SMG6: variants seen among roughly 807,000 people sequenced by gnomAD.
SMG6 encodes the protein telomerase-binding protein EST1A.
A neutral mutation model predicts 142.2 loss-of-function variants in SMG6; 66 were observed. The ratio of observed to expected loss-of-function variants is 0.46; its 90% confidence interval spans 0.38 to 0.57. The LOEUF is 0.57. SMG6 is among the 20% of genes least tolerant of loss of function. SMG6 has a pLI of 0.00. For synonymous variants in SMG6, 779 were observed against 702.4 expected (o/e 1.11, Z -1.72); for missense variants, 1,793 against 1,832.0 (o/e 0.98, Z 0.39).
intron 13 of SMG6, among the ~76,000 whole-genome samples, chr17:2,128,439 T>C (rs997089439): frequency 2.0e-5 from 3 of 152,214 alleles, no homozygotes; most frequent in Admixed American, 6.5e-5. Flanking sequence ...AAAGTGGTAC[T>C]GGACAGGATG....
At chr17:2,113,375 C>T (rs1188195391) in intron 13 of SMG6, among the ~76,000 whole-genome samples, 1 of 152,188 alleles carries the variant, frequency 6.6e-6, no homozygotes, top group Non-Finnish European at 1.5e-5. Flanking sequence ...TATGCTGGGC[C>T]TAAGGCCCAA....
At chr17:2,223,948 A>G (rs541139865) in intron 10 of SMG6, among the ~76,000 whole-genome samples, 4 of 152,308 alleles carry the variant, frequency 2.6e-5, no homozygotes, top group Non-Finnish European at 5.9e-5. Flanking sequence ...AAAAGAAAGA[A>G]AGTCTGAGTA....
At chr17:2,152,628 C>A (rs747403591) in intron 13 of SMG6, among the ~76,000 whole-genome samples, 9 of 152,038 alleles carry the variant, frequency 5.9e-5, no homozygotes, top group Admixed American at 3.9e-4. Flanking sequence ...TAGAGAAATG[C>A]GAATTAAAAT....
chr17:2,120,156 G>A (rs1484572103), intron 13 of SMG6, among the ~76,000 whole-genome samples: 1 of 152,086 alleles, frequency 6.6e-6, no homozygotes, highest in African/African-American at 2.4e-5. Context: ...TCATCACTTG[G>A]GATTTTTAGC....
At chr17:2,179,406 C>A (rs2071740654) in intron 12 of SMG6, among the ~76,000 whole-genome samples, 1 of 152,140 alleles carries the variant, frequency 6.6e-6, no homozygotes, top group South Asian at 2.1e-4. Context: ...ATCTCATCTA[C>A]AGAGTCAACA....
At chr17:2,229,837 C>T (rs1407603963) in intron 10 of SMG6, among the ~76,000 whole-genome samples, 1 of 152,128 alleles carries the variant, frequency 6.6e-6, no homozygotes, top group East Asian at 1.9e-4. Flanking sequence ...GAGCCCCACA[C>T]CCACACCCAA....
intron 13 of SMG6, among the ~76,000 whole-genome samples, chr17:2,091,015 T>C (rs1303568822): frequency 6.6e-6 from 1 of 152,226 alleles, no homozygotes; most frequent in Non-Finnish European, 1.5e-5. Context: ...AATTATCATC[T>C]TTAATGAGCC....
intron 8 of SMG6, among the ~76,000 whole-genome samples, chr17:2,276,370 G>A (rs772169525): frequency 1.6e-4 from 24 of 152,214 alleles, no homozygotes; most frequent in Non-Finnish European, 2.8e-4. Context: ...ATCCACATCT[G>A]CTGTTACAAC....
chr17:2,217,822 A>G (rs1359928277), intron 10 of SMG6, among the ~76,000 whole-genome samples: 1 of 152,038 alleles, frequency 6.6e-6, no homozygotes, highest in African/African-American at 2.4e-5. Context: ...GATCCTGGCC[A>G]ACATGGTGAA....
intron 13 of SMG6, among the ~76,000 whole-genome samples, chr17:2,119,243 G>C (rs192176944): frequency 6.2e-4 from 95 of 152,136 alleles, no homozygotes; most frequent in Admixed American, 5.6e-3. Flanking sequence ...ATTTCTAGTA[G>C]AGATGGGGTT....
intron 12 of SMG6, among the ~76,000 whole-genome samples, chr17:2,180,672 G>C (rs2071778095): frequency 6.6e-6 from 1 of 152,120 alleles, no homozygotes; most frequent in Admixed American, 6.5e-5. Flanking sequence ...CTCAGAGAGG[G>C]GAAGATGCTG....
In SMG6 at chr17:2,085,214, G is replaced by A. The variant is rs2068525453; in HGVS notation, c.3534+511C>T. 6.6e-6 allele frequency among the ~76,000 whole-genome samples: 1 copy of A among 151,454 alleles called. No homozygotes were observed. The highest frequency in any genetic ancestry group is 1.5e-5 in the Non-Finnish European group (1 of 67,884). On this transcript the variant is annotated intron_variant, in intron 14 of 18. Transcript: ENST00000263073. The surrounding 1 kb of genome is among the most constrained non-coding windows in gnomAD (Gnocchi z 4.1). The stretch of plus-strand genomic sequence containing the variant: ...AGCAAGGGCTACAGGAACAACCAAG[G>A]GCAAACAAACAAGAGGAGAATTCCT...
At chr17:2,105,083 A>ATTTTTTTTTTTTTTTTTT in intron 13 of SMG6, among the ~76,000 whole-genome samples, 1 of 103,168 alleles carries the variant, frequency 9.7e-6, no homozygotes, top group Non-Finnish European at 1.8e-5. Context: ...CACCCAGCTA[A>ATTTTTTTTTTTTTTTTTT]TTTTTTTTTT....
chr17:2,282,277 C>T (rs1296881255), intron 8 of SMG6, among the ~76,000 whole-genome samples: 1 of 151,276 alleles, frequency 6.6e-6, no homozygotes, highest in Non-Finnish European at 1.5e-5. Flanking sequence ...CTAACCTATC[C>T]ATGCTACTTT....
intron 12 of SMG6, among the ~76,000 whole-genome samples, chr17:2,184,657 CA>C (rs150364302): frequency 0.023 from 1,228 of 52,814 alleles, 9 homozygotes; most frequent in East Asian, 0.055. Context: ...AACTCCGTCT[CA>C]AAAAAAAAAA....
chr17:2,302,334 G>A (rs914621685), intron 1 of SMG6, among the ~76,000 whole-genome samples: 5 of 152,158 alleles, frequency 3.3e-5, no homozygotes, highest in Non-Finnish European at 5.9e-5. Context: ...ACGAGGACAG[G>A]AGTCCAGACC....
chr17:2,209,641 G>A (rs1019565098), intron 10 of SMG6, among the ~76,000 whole-genome samples: 2 of 152,060 alleles, frequency 1.3e-5, no homozygotes, highest in Non-Finnish European at 2.9e-5. Flanking sequence ...TAGGATTACA[G>A]GCATGAGCCA....
chr17:2,248,329 G>C (rs1038012692), intron 8 of SMG6, among the ~76,000 whole-genome samples: 1 of 152,028 alleles, frequency 6.6e-6, no homozygotes, highest in African/African-American at 2.4e-5. Context: ...GCTAACGAGG[G>C]AATAAGAGCA....
At chr17:2,279,612 GGCA>G (rs1412775950) in intron 8 of SMG6, among the ~76,000 whole-genome samples, 2 of 152,140 alleles carry the variant, frequency 1.3e-5, no homozygotes, top group Non-Finnish European at 2.9e-5. Flanking sequence ...GAACTACGAT[GGCA>G]GCAATGAGAA....
Sources: allele counts gnomAD v4.1 joint callset (sites outside exome capture counted in the v4.1 genomes callset), GRCh38; gene constraint gnomAD v4.1.1; non-coding constraint Gnocchi (gnomAD v3.1); transcripts MANE v1.5; gene names NCBI Gene and HGNC (gene_info 2026-07-23, HGNC 2026-07-21).